The following DPYD variants were observed in gnomAD, a reference collection of about 807,000 sequenced individuals.
DPYD encodes dihydropyrimidine dehydrogenase, also known as dihydropyrimidine dehydrogenase [NADP(+)].
Under a neutral mutation model 116.2 loss-of-function variants are expected in DPYD, and 109 were observed. That is an observed-to-expected ratio of 0.94 (90% confidence interval 0.80 to 1.10). DPYD has a LOEUF of 1.10. Ranked by LOEUF, DPYD falls within the 50% of genes least tolerant of loss-of-function variation. DPYD has a pLI of 0.00. For synonymous variants in DPYD, 440 were observed against 432.0 expected, an observed-to-expected ratio of 1.02 and a Z score of -0.23; for missense variants, 1,302 against 1,254.5, an observed-to-expected ratio of 1.04 and a Z score of -0.57.
intron 16 of DPYD, among the ~76,000 whole-genome samples, chr1:97,337,543 ACTGTTCTAAGACAGAACAC>A (rs1377948902): frequency 6.6e-6 from 1 of 151,894 alleles, no homozygotes; most frequent in East Asian, 1.9e-4. Context: ...TCTGATTTCC[ACTGTTCTAAGACAGAACAC>A]CTTCAAACGA....
At chr1:97,153,653 T>C (rs573761437) in intron 20 of DPYD, among the ~76,000 whole-genome samples, 4 of 152,088 alleles carry the variant, frequency 2.6e-5, no homozygotes, top group African/African-American at 9.6e-5. Flanking sequence ...TAGATGAGAC[T>C]TAATTAGACT....
intron 3 of DPYD, among the ~76,000 whole-genome samples, chr1:97,771,370 T>C (rs1666132515): frequency 2.0e-5 from 3 of 152,242 alleles, no homozygotes; most frequent in Admixed American, 1.3e-4. Flanking sequence ...TTCACATTTC[T>C]AGTAAAAAAT....
chr1:97,277,078 C>T (rs1366630454), intron 18 of DPYD, among the ~76,000 whole-genome samples: 1 of 152,024 alleles, frequency 6.6e-6, no homozygotes, highest in East Asian at 1.9e-4. Context: ...CATCTGGAGG[C>T]CATTATCCTA....
At chr1:97,788,103 AC>A (rs1235423561) in intron 3 of DPYD, among the ~76,000 whole-genome samples, 2 of 152,208 alleles carry the variant, frequency 1.3e-5, no homozygotes, top group African/African-American at 4.8e-5. Flanking sequence ...GAGAGCTGCA[AC>A]AGCAATCCAT....
At chr1:97,264,926 G>C (rs1378738519) in intron 18 of DPYD, among the ~76,000 whole-genome samples, 1 of 152,108 alleles carries the variant, frequency 6.6e-6, no homozygotes, top group Non-Finnish European at 1.5e-5. Context: ...TTATTCCTCA[G>C]CATGTGTCAA....
At chr1:97,492,842 T>C (rs1249092034) in intron 13 of DPYD, among the ~76,000 whole-genome samples, 1 of 152,168 alleles carries the variant, frequency 6.6e-6, no homozygotes, top group Non-Finnish European at 1.5e-5. Flanking sequence ...GAAGTATCTC[T>C]AACAAAATCC....
chr1:97,625,841 T>A (rs1656896123), intron 8 of DPYD, among the ~76,000 whole-genome samples: 2 of 152,150 alleles, frequency 1.3e-5, no homozygotes, highest in South Asian at 2.1e-4. Context: ...GCCCTGGCAA[T>A]CTAATACGAT....
chr1:97,791,989 C>CA (rs533412997), intron 3 of DPYD, among the ~76,000 whole-genome samples: 561 of 151,230 alleles, frequency 3.7e-3, no homozygotes, highest in Middle Eastern at 0.024. Context: ...AAACCAATTA[C>CA]AAAAAAAAAC....
intron 2 of DPYD, among the ~76,000 whole-genome samples, chr1:97,832,995 GA>G (rs1161903108): frequency 0.027 from 1,565 of 58,994 alleles, 17 homozygotes; most frequent in African/African-American, 0.057. Flanking sequence ...AAGAGGCAAA[GA>G]AAAAAAAAAA....
At chr1:97,772,947 C>G (rs1195578587) in intron 3 of DPYD, among the ~76,000 whole-genome samples, 2 of 152,154 alleles carry the variant, frequency 1.3e-5, no homozygotes, top group African/African-American at 4.8e-5. Context: ...TCCATGGCCT[C>G]TATGATTTTT....
Position 97,691,704 on chromosome 1 carries a change from T to A in DPYD, c.762+13A>T. 1 of 1,611,322 alleles carries A rather than the reference T, an allele frequency of 6.2e-7. No individual in the cohort carries two copies. The highest frequency in any genetic ancestry group is 8.5e-7 in the Non-Finnish European group (1 of 1,177,668). On this transcript the variant is annotated intron_variant, in intron 7 of 22. Coordinates refer to ENST00000370192, the MANE Select transcript of DPYD (RefSeq NM_000110.4). ...TTTTGAGCAGTACACAGATAGGTGT[T>A]TTTTTCATTTACCTTTACACCAAGG...
chr1:97,848,129 GC>G (rs1670395930), intron 2 of DPYD, among the ~76,000 whole-genome samples: 1 of 151,992 alleles, frequency 6.6e-6, no homozygotes, highest in South Asian at 2.1e-4. Flanking sequence ...ACGGAGTCTC[GC>G]TCTATCACCC....
intron 12 of DPYD, among the ~76,000 whole-genome samples, chr1:97,525,399 T>C (rs1052196040): frequency 6.6e-6 from 1 of 152,120 alleles, no homozygotes; most frequent in Non-Finnish European, 1.5e-5. Context: ...CTCCTCAGCT[T>C]CCCACAAGCA....
At chr1:97,441,756 T>C (rs994741080) in intron 14 of DPYD, among the ~76,000 whole-genome samples, 2 of 152,206 alleles carry the variant, frequency 1.3e-5, no homozygotes, top group African/African-American at 4.8e-5. Flanking sequence ...ATATTGTGAA[T>C]CCTACCTTTT....
chr1:97,832,246 G>A (rs1334006082), intron 2 of DPYD, among the ~76,000 whole-genome samples: 1 of 152,014 alleles, frequency 6.6e-6, no homozygotes, highest in Non-Finnish European at 1.5e-5. Context: ...CTTGCCCAGG[G>A]TTATACAGCT....
At chr1:97,735,448 A>C (rs1455537665) in intron 4 of DPYD, among the ~76,000 whole-genome samples, 21 of 151,252 alleles carry the variant, frequency 1.4e-4, no homozygotes, top group Admixed American at 1.3e-3. Flanking sequence ...AGGCCAAAGC[A>C]GGCAGATCAC....
intron 20 of DPYD, among the ~76,000 whole-genome samples, chr1:97,163,559 C>A (rs1357934733): frequency 6.6e-6 from 1 of 152,054 alleles, no homozygotes; most frequent in African/African-American, 2.4e-5. Flanking sequence ...GCTGTGAAGT[C>A]CAAGATCAAA....
intron 8 of DPYD, among the ~76,000 whole-genome samples, chr1:97,645,901 T>C (rs1022591153): frequency 1.3e-5 from 2 of 152,080 alleles, no homozygotes; most frequent in Non-Finnish European, 2.9e-5. Context: ...TAGCTGAATA[T>C]CAAATACTTG....
At chr1:97,910,172 C>A (rs1673864863) in intron 1 of DPYD, among the ~76,000 whole-genome samples, 1 of 152,126 alleles carries the variant, frequency 6.6e-6, no homozygotes, top group Admixed American at 6.6e-5. Flanking sequence ...TCTGAAATTA[C>A]TGTATATTAA....
Sources: allele counts gnomAD v4.1 joint callset (sites outside exome capture counted in the v4.1 genomes callset), GRCh38; gene constraint gnomAD v4.1.1; transcripts MANE v1.5; gene names NCBI Gene and HGNC (gene_info 2026-07-23, HGNC 2026-07-21).